TEAD1: variants seen among roughly 807,000 people sequenced by gnomAD.
TEAD1 encodes transcriptional enhancer factor TEF-1.
TEAD1 carries 9 observed loss-of-function variants against 54.9 expected under a neutral mutation model. That is an observed-to-expected ratio of 0.16 (90% CI 0.10 to 0.29). The LOEUF (loss-of-function observed/expected upper bound fraction) is 0.29, where lower values mean the gene tolerates loss of function less well. Ranked by LOEUF, TEAD1 falls within the 10% of genes least tolerant of loss-of-function variation. The pLI, the probability that TEAD1 is intolerant of heterozygous loss-of-function variation, is 1.00. For synonymous variants in TEAD1, 200 were observed against 187.8 expected (o/e 1.07, Z -0.53); for missense variants, 387 against 535.9 (o/e 0.72, Z 2.74).
In TEAD1 at chr11:12,913,402, G is replaced by A. The variant is rs569149119; in HGVS notation, c.873+11289G>A. On this transcript the variant is annotated intron_variant, in intron 10 of 12. Coordinates refer to ENST00000527636, the MANE Select transcript of TEAD1 (RefSeq NM_021961.6). ...GTGGTCAGCCAGATCCCAAAATTTG[G>A]AATGTATCCTTTTAGACTTATACGT... is the stretch of plus-strand genomic sequence containing the variant. Among the ~76,000 whole-genome samples the A allele has an allele frequency of 2.0e-5, 3 of 152,286 alleles. No homozygotes were observed. The South Asian group carries it at 6.2e-4, about 32-fold the overall frequency.
At chr11:12,736,996 TGAA>T (rs1242154000) in intron 2 of TEAD1, among the ~76,000 whole-genome samples, 1 of 152,174 alleles carries the variant, frequency 6.6e-6, no homozygotes. Context: ...TTATGGGACT[TGAA>T]GAAAAATTTA....
At chr11:12,923,073 G>C (rs1948840850) in intron 10 of TEAD1, 1 of 150,290 alleles carries the variant, frequency 6.7e-6, no homozygotes, top group South Asian at 2.1e-4. Flanking sequence ...TGGCCTCCTA[G>C]TATATATATA....
intron 3 of TEAD1, among the ~76,000 whole-genome samples, chr11:12,857,582 G>GTGTGTGTGTA (rs1947416083): frequency 6.7e-6 from 1 of 148,812 alleles, no homozygotes; most frequent in Non-Finnish European, 1.5e-5. Flanking sequence ...CTGTCTCTGT[G>GTGTGTGTGTA]TGTGTGTGTG....
At chr11:12,747,303 A>AATT (rs1461067243) in intron 2 of TEAD1, among the ~76,000 whole-genome samples, 1 of 152,022 alleles carries the variant, frequency 6.6e-6, no homozygotes, top group Non-Finnish European at 1.5e-5. Context: ...TATTAGCAGT[A>AATT]ATTATTATTA....
intron 3 of TEAD1, among the ~76,000 whole-genome samples, chr11:12,784,076 G>A (rs1175781620): frequency 6.6e-6 from 1 of 152,158 alleles, no homozygotes; most frequent in East Asian, 1.9e-4. Flanking sequence ...CTAGGTCAGA[G>A]GTTATGGGAG....
chr11:12,742,129 GTAGCTATTC>G (rs1234547040), intron 2 of TEAD1, among the ~76,000 whole-genome samples: 1 of 152,148 alleles, frequency 6.6e-6, no homozygotes, highest in Admixed American at 6.5e-5. Context: ...AAGAGGTCTT[GTAGCTATTC>G]TTTGATTACC....
At chr11:12,762,480 T>C (rs1405669384) in intron 2 of TEAD1, among the ~76,000 whole-genome samples, 25 of 152,222 alleles carry the variant, frequency 1.6e-4, no homozygotes. Flanking sequence ...TGTGGCGTAA[T>C]TTATACCTTC....
chr11:12,758,597 G>A (rs1316806508), intron 2 of TEAD1, among the ~76,000 whole-genome samples: 1 of 152,014 alleles, frequency 6.6e-6, no homozygotes, highest in Non-Finnish European at 1.5e-5. Flanking sequence ...TGTGTTTTTA[G>A]TAGAGACGGG....
chr11:12,914,948 CT>C (rs1280671990), intron 10 of TEAD1, among the ~76,000 whole-genome samples: 2 of 152,248 alleles, frequency 1.3e-5, no homozygotes, highest in African/African-American at 4.8e-5. Flanking sequence ...AATCTTGGTT[CT>C]TTGATCATTG....
chr11:12,926,204 G>A (rs1391572852), intron 11 of TEAD1, among the ~76,000 whole-genome samples: 1 of 152,188 alleles, frequency 6.6e-6, no homozygotes, highest in East Asian at 1.9e-4. Context: ...GAGAGAGGGA[G>A]AAGGATATAT....
intron 2 of TEAD1, among the ~76,000 whole-genome samples, chr11:12,752,510 G>A (rs191731995): frequency 1.4e-3 from 209 of 152,194 alleles, no homozygotes; most frequent in Admixed American, 2.9e-3. Flanking sequence ...TGGTATGAAC[G>A]GACGCAGACA....
At position 12,941,547 on chromosome 11, in the gene TEAD1, TATTA is replaced by T. The variant is rs1949162317; in HGVS notation, c.*4329_*4332del. On this transcript the variant is annotated 3_prime_UTR_variant, in exon 13 of 13. Transcript: ENST00000527636. ...CAGTCAATTTTACAAACCAGGTACA[TATTA>T]ATTTGTATAATTTTGTATATGCTCT... 1 of 152,622 alleles carries T rather than the reference TATTA, an allele frequency of 6.6e-6. No homozygotes were observed. Among genetic ancestry groups the T allele is most frequent in the African/African-American group, 2.4e-5 (1 of 41,450 alleles). The allele number at this position is 152,622 out of a possible 1,614,324, so 9.5% of individuals were successfully genotyped here.
At chr11:12,877,227 G>T (rs1947869095) in intron 5 of TEAD1, among the ~76,000 whole-genome samples, 1 of 152,188 alleles carries the variant, frequency 6.6e-6, no homozygotes, top group South Asian at 2.1e-4. Flanking sequence ...CCAGCTTCTA[G>T]GGCCCTTGGA....
At chr11:12,791,317 G>A (rs55855010) in intron 3 of TEAD1, among the ~76,000 whole-genome samples, 2 of 152,174 alleles carry the variant, frequency 1.3e-5, no homozygotes, top group African/African-American at 4.8e-5. Context: ...AAAGTATCTG[G>A]TGTTTCCCAG....
chr11:12,822,398 A>G (rs1381817383), intron 3 of TEAD1: 1 of 152,204 alleles, frequency 6.6e-6, no homozygotes. Flanking sequence ...TACGTGACAT[A>G]CTTACTGTCA....
intron 3 of TEAD1, among the ~76,000 whole-genome samples, chr11:12,805,205 A>G (rs114416376): frequency 1.9e-3 from 293 of 152,328 alleles, no homozygotes; most frequent in African/African-American, 6.6e-3. Context: ...ATAAGTGAGC[A>G]GGCATGTCAT....
chr11:12,758,075 C>T (rs557971408), intron 2 of TEAD1, among the ~76,000 whole-genome samples: 1 of 152,168 alleles, frequency 6.6e-6, no homozygotes, highest in South Asian at 2.1e-4. Flanking sequence ...ACTGCCATGC[C>T]TGGAGGTTCA....
At chr11:12,813,438 T>C (rs2133991450) in intron 3 of TEAD1, among the ~76,000 whole-genome samples, 1 of 152,288 alleles carries the variant, frequency 6.6e-6, no homozygotes, top group African/African-American at 2.4e-5. Flanking sequence ...CTGGAAGTCT[T>C]TGTGGGCTGG....
At chr11:12,746,828 A>C (rs1200438975) in intron 2 of TEAD1, among the ~76,000 whole-genome samples, 1 of 152,210 alleles carries the variant, frequency 6.6e-6, no homozygotes, top group African/African-American at 2.4e-5. Flanking sequence ...TCCCAGGATG[A>C]GCTGCTGCTG....
Sources: gnomAD v4.1 joint callset for allele counts (sites outside exome capture counted in the v4.1 genomes callset) on GRCh38, gnomAD v4.1.1 for gene constraint, MANE v1.5 for transcripts, NCBI Gene and HGNC (gene_info 2026-07-23, HGNC 2026-07-21) for gene names.